Variants in RRBP1 observed in about 807,000 individuals in gnomAD.
The protein encoded by RRBP1 is ribosome-binding protein 1.
Under a neutral mutation model 165.2 loss-of-function variants are expected in RRBP1, and 94 were observed. The observed-to-expected ratio is 0.57, with a 90% CI of 0.48 to 0.68. RRBP1 has a LOEUF of 0.68. RRBP1 is among the 30% of genes least tolerant of loss of function. The pLI is 0.00. For synonymous variants in RRBP1, 680 were observed against 714.5 expected, an observed-to-expected ratio of 0.95 and a Z score of 0.77; for missense variants, 1,676 against 1,763.0, an observed-to-expected ratio of 0.95 and a Z score of 0.88.
intron 4 of RRBP1, 37 bp downstream of exon 4, chr20:17,642,942 T>A: frequency 6.2e-7 from 1 of 1,603,580 alleles, no homozygotes; most frequent in African/African-American, 1.3e-5. Flanking sequence ...CCAGCTGCAG[T>A]GGCCTCTGAG....
intron 19 of RRBP1, 32 bp from the exon 20 acceptor site, chr20:17,618,711 A>AAAAAGGAGAG: frequency 6.4e-7 from 1 of 1,554,590 alleles, no homozygotes. Context: ...GGTGATGGGA[A>AAAAAGGAGAG]AAAAGGAGAG....
intron 2 of RRBP1, among the ~76,000 whole-genome samples, chr20:17,670,035 T>C (rs2036946512): frequency 6.6e-6 from 1 of 152,228 alleles, no homozygotes; most frequent in African/African-American, 2.4e-5. Context: ...TAGGTGTCTC[T>C]CTTTAGTGTG....
intron 2 of RRBP1, among the ~76,000 whole-genome samples, chr20:17,661,714 G>A (rs2036770072): frequency 6.6e-6 from 1 of 152,168 alleles, no homozygotes; most frequent in Non-Finnish European, 1.5e-5. Context: ...GAAGAGGAGA[G>A]GAGGGGAAGT....
At chr20:17,656,970 TA>T (rs1204117792) in intron 3 of RRBP1, among the ~76,000 whole-genome samples, 1 of 152,198 alleles carries the variant, frequency 6.6e-6, no homozygotes, top group African/African-American at 2.4e-5. Flanking sequence ...ACCTGCAAAT[TA>T]GAACAATTTT....
At chr20:17,652,826 C>T (rs1160133946) in intron 3 of RRBP1, among the ~76,000 whole-genome samples, 3 of 152,208 alleles carry the variant, frequency 2.0e-5, no homozygotes, top group Admixed American at 2.0e-4. Context: ...CACCAGGCAA[C>T]ATGGTCACAG....
In RRBP1 at chr20:17,629,891, G is replaced by T; in HGVS notation, c.2681C>A (p.Thr894Lys). Residue 894 changes from threonine (T) to lysine (K), a missense_variant, in exon 9 of 25, where the codon ACG becomes AAG. Thr to Lys is a moderately conservative substitution (Grantham distance 78). This residue lies in a region of RRBP1 where 1,184 missense variants were observed against 1,167.1 expected (regional missense o/e 1.01). Transcript: ENST00000377813. ...LDEVSRELCH[T>K]QSSHASLRAD... Reference sequence around the variant, plus strand: ...CCGGAGGCTGGCGTGGCTGCTCTGCGTGTGGCACAGCTCCCGGCTGACCTC... The same window carrying T: ...CCGGAGGCTGGCGTGGCTGCTCTGCTTGTGGCACAGCTCCCGGCTGACCTC... 2.5e-6 allele frequency: 4 copies of T among 1,600,362 alleles called. No homozygotes were observed. Among genetic ancestry groups the T allele is most frequent in the Non-Finnish European group, 3.4e-6 (4 of 1,179,538 alleles).
At chr20:17,671,621 C>T (rs2122497478) in intron 2 of RRBP1, among the ~76,000 whole-genome samples, 1 of 152,346 alleles carries the variant, frequency 6.6e-6, no homozygotes, top group Admixed American at 6.5e-5. Flanking sequence ...TCCCCTTCTC[C>T]ATGAAGGTGT....
At chr20:17,654,114 G>A (rs561220262) in intron 3 of RRBP1, among the ~76,000 whole-genome samples, 70 of 152,122 alleles carry the variant, frequency 4.6e-4, no homozygotes, top group Non-Finnish European at 8.8e-4. Context: ...ATCGCTACCC[G>A]CTCAGACTGG....
chr20:17,617,711 C>A lies in RRBP1; in HGVS notation c.3760-872G>T, dbSNP rs554062017. ...AGCACTGCCCTCTGGTGTTCTGGTC[C>A]GGGTAAGACCTGAATGACCAAGGGG... is the stretch of plus-strand genomic sequence containing the variant. On this transcript the variant is annotated intron_variant, in intron 20 of 24. Coordinates refer to ENST00000377813, the MANE Select transcript of RRBP1 (RefSeq NM_001365613.2). Among the ~76,000 whole-genome samples the A allele has an allele frequency of 3.1e-3, 476 of 152,332 alleles. 2 individuals are homozygous for A. The highest frequency in any genetic ancestry group is 0.01 in the African/African-American group (433 of 41,576).
chr20:17,625,513 T>C lies in RRBP1; in HGVS notation c.3053A>G (p.Asn1018Ser), dbSNP rs201690430. Reference protein sequence around the residue: ...EAVEQQKVKNNDLREKNWKAM... With the variant: ...EAVEQQKVKNSDLREKNWKAM... The stretch of plus-strand genomic sequence containing the variant: ...CCCGCCTGTGCCTGCCGCACTCACA[T>C]TGTTCTTCACTTTCTGCTGCTCGAC... Residue 1018 changes from asparagine to serine, a missense_variant and splice_region_variant, in exon 12 of 25, where the codon AAT (asparagine) becomes AGT (serine). Around this residue, in one of 5 missense-constraint regions of RRBP1, gnomAD observed 1,184 missense variants for 1,167.1 expected, o/e 1.01. Transcript: ENST00000377813. 124 of 1,613,166 alleles carry C rather than the reference T, an allele frequency of 7.7e-5. No individual in the cohort carries two copies. The highest frequency in any genetic ancestry group is 8.6e-5 in the Non-Finnish European group (101 of 1,179,558).
At chr20:17,657,999 G>C (rs1875807972) in intron 3 of RRBP1, among the ~76,000 whole-genome samples, 1 of 152,194 alleles carries the variant, frequency 6.6e-6, no homozygotes, top group South Asian at 2.1e-4. Flanking sequence ...AGTTAAGAAA[G>C]ACTTGCCAAC....
In RRBP1 at chr20:17,636,614, C is replaced by T. The variant is rs139806894; in HGVS notation, c.2300G>A (p.Arg767Gln). The change falls in exon 6 of 25, where the codon CGG (arginine) becomes CAG (glutamine). Residue 767 changes from arginine to glutamine, a missense_variant. Physicochemically the swap from Arg to Gln is conservative, Grantham distance 43 (BLOSUM62 1). Transcript: ENST00000377813. ...CTGCTGCACCTCCTTCACGTGCTCCCGGTAGCTGGCCTGCATGCGTGCCTG... is the reference window on the plus strand; with the variant it reads ...CTGCTGCACCTCCTTCACGTGCTCCTGGTAGCTGGCCTGCATGCGTGCCTG... ...AVQARMQASY[R>Q]EHVKEVQQLQ... is the part of the protein sequence containing the mutation. 1.1e-4 allele frequency: 174 copies of T among 1,612,428 alleles called. No homozygotes were observed. The highest frequency in any genetic ancestry group is 1.3e-4 in the Non-Finnish European group (159 of 1,180,022).
At chr20:17,676,239 G>A (rs2037079755) in intron 2 of RRBP1, among the ~76,000 whole-genome samples, 1 of 152,180 alleles carries the variant, frequency 6.6e-6, no homozygotes, top group Admixed American at 6.5e-5. Flanking sequence ...AGAGCTGTTT[G>A]GACCAGGGAG....
chr20:17,653,749 G>A lies in RRBP1; in HGVS notation c.1912+4847C>T, dbSNP rs573350791. Among the ~76,000 whole-genome samples the A allele has an allele frequency of 1.6e-3, 243 of 151,096 alleles. 1 individual carries two copies. The highest frequency in any genetic ancestry group is 3.1e-3 in the Non-Finnish European group (208 of 67,878). ...CTTGGGAGGCTGAGGCAGGAGAATT[G>A]CTTAAACCCAAGAGGCAGAGGTTGC... On this transcript the variant is annotated intron_variant, in intron 3 of 24. Coordinates refer to ENST00000377813, the MANE Select transcript of RRBP1 (RefSeq NM_001365613.2).
intron 3 of RRBP1, among the ~76,000 whole-genome samples, chr20:17,650,603 T>C (rs948298683): frequency 6.6e-6 from 1 of 152,194 alleles, no homozygotes; most frequent in African/African-American, 2.4e-5. Flanking sequence ...GCAGAGGTAA[T>C]GAGGAAACAC....
intron 1 of RRBP1, among the ~76,000 whole-genome samples, chr20:17,681,033 G>A (rs145322978): frequency 0.019 from 2,889 of 152,048 alleles, 105 homozygotes; most frequent in African/African-American, 0.066. Context: ...CACTGCGGGC[G>A]CCCCACTGGA....
At position 17,658,593 on chromosome 20, in the gene RRBP1, T is replaced by C; in HGVS notation, c.1912+3A>G. 1 of 1,582,176 alleles carries C rather than the reference T, an allele frequency of 6.3e-7. No individual in the cohort carries two copies. Among genetic ancestry groups the C allele is most frequent in the Non-Finnish European group, 8.6e-7 (1 of 1,167,056 alleles). ...TAAGTTCATAAAGAAATCAGTTACT[T>C]ACCAGGCTCACCTTTTTTCTTTGAA... On this transcript the variant is annotated splice_donor_region_variant and intron_variant, in intron 3 of 24. Transcript: ENST00000377813.
intron 3 of RRBP1, among the ~76,000 whole-genome samples, chr20:17,656,226 A>C (rs1190759856): frequency 6.6e-6 from 1 of 152,306 alleles, no homozygotes; most frequent in East Asian, 1.9e-4. Context: ...GACACTGTGA[A>C]GAAGAAAGAA....
chr20:17,633,571 C>T lies in RRBP1; in HGVS notation c.2499G>A (p.Lys833=). The stretch of plus-strand genomic sequence containing the variant: ...ACTTCTCCACCAGCTCTTTGCTGAC[C>T]TTGCTGAGCTCCTGCCGAAGCTTGG... ...ELAKLRQELS[K]VSKELVEKSE... is the part of the protein sequence containing the mutation. The change falls in exon 8 of 25, where the codon AAG becomes AAA. Residue 833 remains lysine (K), a synonymous_variant. Transcript: ENST00000377813. 6.2e-7 allele frequency: 1 copy of T among 1,614,052 alleles called. No homozygotes were observed. Among genetic ancestry groups the T allele is most frequent in the Non-Finnish European group, 8.5e-7 (1 of 1,180,026 alleles).
Sources: gnomAD v4.1 joint callset for allele counts (sites outside exome capture counted in the v4.1 genomes callset) on GRCh38, gnomAD v4.1.1 for gene constraint, gnomAD v4.1.1 regional missense constraint, MANE v1.5 for transcripts, NCBI Gene and HGNC (gene_info 2026-07-23, HGNC 2026-07-21) for gene names.